Variants in DLG2 observed in about 807,000 individuals in gnomAD.
DLG2 encodes the protein discs large MAGUK scaffold protein 2, also known as disks large homolog 2.
Under a neutral mutation model 132.5 loss-of-function variants are expected in DLG2, and 45 were observed. That is an observed-to-expected ratio of 0.34 (90% CI 0.27 to 0.44). The LOEUF is 0.44. Among genes scored for constraint, DLG2 ranks in the 20% least tolerant of loss-of-function variants. DLG2 has a pLI of 1.00. For synonymous variants in DLG2, 424 were observed against 419.6 expected, an observed-to-expected ratio of 1.01 and a Z score of -0.13; for missense variants, 1,045 against 1,196.9, an observed-to-expected ratio of 0.87 and a Z score of 1.87.
At chr11:84,679,752 A>C (rs2155401) in intron 6 of DLG2, among the ~76,000 whole-genome samples, 1 of 152,152 alleles carries the variant, frequency 6.6e-6, no homozygotes, top group African/African-American at 2.4e-5. Context: ...CTTATTTTAT[A>C]GATTAAGAAA....
At chr11:83,877,196 A>G (rs1011208559) in intron 15 of DLG2, among the ~76,000 whole-genome samples, 1 of 152,146 alleles carries the variant, frequency 6.6e-6, no homozygotes, top group Non-Finnish European at 1.5e-5. Flanking sequence ...AACTTTTAAA[A>G]CACCCTAACA....
chr11:85,180,028 A>G (rs1477569885), intron 4 of DLG2, among the ~76,000 whole-genome samples: 1 of 151,938 alleles, frequency 6.6e-6, no homozygotes, highest in Admixed American at 6.6e-5. Flanking sequence ...CTTTGTGACC[A>G]TTCTATTCTG....
intron 9 of DLG2, among the ~76,000 whole-genome samples, chr11:84,120,845 CTTATA>C (rs1421554148): frequency 2.6e-5 from 4 of 152,150 alleles, no homozygotes; most frequent in Non-Finnish European, 4.4e-5. Flanking sequence ...AGTGTGTAAA[CTTATA>C]TTATGTATGT....
chr11:83,977,501 A>G (rs999581938), intron 12 of DLG2, among the ~76,000 whole-genome samples: 8 of 152,074 alleles, frequency 5.3e-5, no homozygotes, highest in African/African-American at 1.9e-4. Flanking sequence ...CACATACACC[A>G]AGGAAGAATT....
At chr11:84,322,926 A>C (rs1361956980) in intron 7 of DLG2, among the ~76,000 whole-genome samples, 1 of 152,198 alleles carries the variant, frequency 6.6e-6, no homozygotes, top group African/African-American at 2.4e-5. Context: ...TGCTTCAAAG[A>C]ATATGAAGGC....
chr11:84,420,236 T>C (rs2098943975), intron 7 of DLG2, among the ~76,000 whole-genome samples: 1 of 152,132 alleles, frequency 6.6e-6, no homozygotes. Context: ...GACCATAATA[T>C]AGCTGAAAAC....
At chr11:85,556,595 C>T (rs1267840386) in intron 3 of DLG2, among the ~76,000 whole-genome samples, 2 of 151,854 alleles carry the variant, frequency 1.3e-5, no homozygotes, top group Admixed American at 6.6e-5. Context: ...AGAGGTTTGT[C>T]TTACTTTTTA....
chr11:85,589,830 C>T (rs1433865014), intron 3 of DLG2, among the ~76,000 whole-genome samples: 1 of 152,034 alleles, frequency 6.6e-6, no homozygotes, highest in African/African-American at 2.4e-5. Flanking sequence ...CACATTGTCC[C>T]CCATGACTCC....
chr11:84,511,757 C>A (rs2099257524), intron 7 of DLG2, among the ~76,000 whole-genome samples: 1 of 152,116 alleles, frequency 6.6e-6, no homozygotes, highest in Admixed American at 6.6e-5. Context: ...TCAGTGCTTT[C>A]AAGACTTGCT....
chr11:83,597,650 G>C (rs1260912457), intron 19 of DLG2, among the ~76,000 whole-genome samples: 2 of 151,882 alleles, frequency 1.3e-5, no homozygotes, highest in Non-Finnish European at 2.9e-5. Flanking sequence ...GCCAGACATG[G>C]TGGTGTGTTC....
chr11:84,212,375 T>C (rs1251672426), intron 8 of DLG2, among the ~76,000 whole-genome samples: 3 of 152,174 alleles, frequency 2.0e-5, no homozygotes, highest in Admixed American at 1.3e-4. Context: ...GACCTCTTAT[T>C]TAAGAAAAAT....
At chr11:85,295,318 A>T (rs576591511) in intron 3 of DLG2, among the ~76,000 whole-genome samples, 1 of 152,130 alleles carries the variant, frequency 6.6e-6, no homozygotes, top group Non-Finnish European at 1.5e-5. Flanking sequence ...AAAATTCCCA[A>T]TATCTTCCAA....
intron 6 of DLG2, among the ~76,000 whole-genome samples, chr11:84,934,843 A>T (rs1465385762): frequency 6.6e-6 from 1 of 151,708 alleles, no homozygotes. Flanking sequence ...TTTCTTGTTA[A>T]TTCCATTACA....
chr11:84,456,123 T>C (rs1312627212), intron 7 of DLG2, among the ~76,000 whole-genome samples: 1 of 151,328 alleles, frequency 6.6e-6, no homozygotes, highest in African/African-American at 2.4e-5. Flanking sequence ...ATTCAGGCAT[T>C]TTGATAAGGC....
chr11:83,683,317 G>C (rs2079149135), intron 18 of DLG2, among the ~76,000 whole-genome samples: 1 of 152,160 alleles, frequency 6.6e-6, no homozygotes, highest in East Asian at 1.9e-4. Context: ...ATATTGCAGA[G>C]AAGAAGCTGA....
chr11:84,685,005 T>C (rs192133867), intron 6 of DLG2, among the ~76,000 whole-genome samples: 114 of 152,330 alleles, frequency 7.5e-4, no homozygotes, highest in African/African-American at 2.7e-3. Context: ...CTCTTTTTGA[T>C]TCTTACTTAG....
chr11:83,766,024 T>A (rs1393829538), intron 18 of DLG2, among the ~76,000 whole-genome samples: 1 of 152,144 alleles, frequency 6.6e-6, no homozygotes, highest in Non-Finnish European at 1.5e-5. Flanking sequence ...TGTTGACAAA[T>A]GCTATTATCA....
chr11:84,265,271 C>A (rs1381157651), intron 7 of DLG2, among the ~76,000 whole-genome samples: 2 of 146,052 alleles, frequency 1.4e-5, no homozygotes, highest in Non-Finnish European at 1.6e-5. Context: ...TAATAACAAC[C>A]TTTACCAGGC....
At chr11:85,396,989 G>T (rs1022940751) in intron 3 of DLG2, among the ~76,000 whole-genome samples, 5 of 152,060 alleles carry the variant, frequency 3.3e-5, no homozygotes. Context: ...GATTTGCCAA[G>T]GTTGAAATAA....
Sources: allele counts gnomAD v4.1 joint callset (sites outside exome capture counted in the v4.1 genomes callset), GRCh38; gene constraint gnomAD v4.1.1; transcripts MANE v1.5; gene names NCBI Gene and HGNC (gene_info 2026-07-23, HGNC 2026-07-21).